The following GLDC variants were observed in gnomAD, a reference collection of about 807,000 sequenced individuals.
The protein encoded by GLDC is glycine decarboxylase.
Under a neutral mutation model 121.3 loss-of-function variants are expected in GLDC, and 104 were observed. The observed-to-expected ratio is 0.86, with a 90% CI of 0.73 to 1.01. The LOEUF (loss-of-function observed/expected upper bound fraction) is 1.01. Ranked by LOEUF, GLDC falls within the 50% of genes least tolerant of loss-of-function variation. The pLI is 0.00. For missense variants in GLDC, 1,429 were observed against 1,306.6 expected, an observed-to-expected ratio of 1.09 and a Z score of -1.44; for synonymous variants, 546 against 480.6, an observed-to-expected ratio of 1.14 and a Z score of -1.78.
intron 11 of GLDC, 190 bp downstream of exon 11, chr9:6,591,953 G>T: frequency 1.6e-6 from 1 of 609,674 alleles, no homozygotes; most frequent in Non-Finnish European, 3.0e-6. Context: ...GCATAATACT[G>T]GCTGGAGCCC....
intron 2 of GLDC, among the ~76,000 whole-genome samples, chr9:6,622,588 G>A (rs929083489): frequency 2.0e-4 from 30 of 152,192 alleles, no homozygotes; most frequent in African/African-American, 4.3e-4. Context: ...ATCTCGGCTC[G>A]CTACAACCTC....
chr9:6,557,034 C>T (rs1817648329), intron 17 of GLDC, among the ~76,000 whole-genome samples: 1 of 152,116 alleles, frequency 6.6e-6, no homozygotes, highest in Admixed American at 6.5e-5. Flanking sequence ...CTTTCCCTTG[C>T]CTTCTGTTGA....
At position 6,533,168 on chromosome 9, in the gene GLDC, G is replaced by C. The variant is rs138786708; in HGVS notation, c.2920-8C>G. The C allele has an allele frequency of 1.9e-6, 3 of 1,613,158 alleles. No homozygotes were observed. The African/African-American group carries it at 4.0e-5, about 22-fold the overall frequency. On this transcript the variant is annotated splice_region_variant and splice_polypyrimidine_tract_variant and intron_variant, in intron 24 of 24. Transcript: ENST00000321612. Reference sequence around the variant, plus strand: ...CTCTGGTTTCACGAAGGGCTGCAAAGGACAAAAGATGGAAATGCTGTGAGA... The same window carrying C: ...CTCTGGTTTCACGAAGGGCTGCAAACGACAAAAGATGGAAATGCTGTGAGA...
intron 22 of GLDC, 47 bp from the exon 23 acceptor site, chr9:6,536,283 T>TA: frequency 1.3e-6 from 2 of 1,524,148 alleles, no homozygotes; most frequent in Non-Finnish European, 1.8e-6. Context: ...GTCAGTGGCC[T>TA]ACCCAGTTTG....
intron 4 of GLDC, among the ~76,000 whole-genome samples, chr9:6,608,055 C>G (rs1007613793): frequency 1.3e-5 from 2 of 151,850 alleles, no homozygotes; most frequent in East Asian, 3.9e-4. Flanking sequence ...CTGGGGAAGT[C>G]AAGGCTGCAG....
intron 10 of GLDC, 38 bp from the exon 11 acceptor site, chr9:6,592,261 A>C (rs760524406): frequency 4.9e-6 from 6 of 1,227,590 alleles, no homozygotes; most frequent in Non-Finnish European, 7.2e-6. Flanking sequence ...CATCAACTCT[A>C]AACTCCACAT....
At position 6,554,780 on chromosome 9, in the gene GLDC, A is replaced by G; in HGVS notation, c.2204T>C (p.Val735Ala). 6.2e-7 allele frequency: 1 copy of G among 1,610,038 alleles called. No homozygotes were observed. Among genetic ancestry groups the G allele is most frequent in the South Asian group, 1.1e-5 (1 of 90,120 alleles). The change falls in exon 19 of 25, where the codon GTG becomes GCG. Residue 735 changes from valine to alanine, a missense_variant and splice_region_variant. Val to Ala is a moderately conservative substitution (Grantham distance 64). Coordinates refer to ENST00000321612, the MANE Select transcript of GLDC (RefSeq NM_000170.3). ...GAAGTCTCCAGGGCGACAGATTCCC[A>G]CCTACCACAAAGGCAAGGGCCAAAA... ...YLDGANMNAQVGICRPGDFGS... is the reference protein window; with the variant it reads ...YLDGANMNAQAGICRPGDFGS...
chr9:6,565,286 G>A, intron 16 of GLDC, 68 bp downstream of exon 16: 4 of 1,095,410 alleles, frequency 3.7e-6, no homozygotes, highest in South Asian at 1.2e-5. Context: ...GTGTCCCACA[G>A]AAGGGACCCT....
chr9:6,627,031 C>T (rs534693620), intron 2 of GLDC, among the ~76,000 whole-genome samples: 1 of 152,256 alleles, frequency 6.6e-6, no homozygotes, highest in Non-Finnish European at 1.5e-5. Context: ...CGTGGTGGCT[C>T]ATGCCTGTAA....
chr9:6,579,718 G>T (rs1818138912), intron 15 of GLDC, among the ~76,000 whole-genome samples: 1 of 152,106 alleles, frequency 6.6e-6, no homozygotes, highest in African/African-American at 2.4e-5. Context: ...AATACTGAAT[G>T]TCAGCCAGCT....
chr9:6,560,906 G>A (rs1817742798), intron 16 of GLDC, among the ~76,000 whole-genome samples: 1 of 152,206 alleles, frequency 6.6e-6, no homozygotes, highest in Admixed American at 6.5e-5. Flanking sequence ...ATATTCTTAA[G>A]TGTCCTCATC....
At chr9:6,580,601 C>A (rs777736737) in intron 15 of GLDC, among the ~76,000 whole-genome samples, 21 of 152,130 alleles carry the variant, frequency 1.4e-4, no homozygotes, top group Non-Finnish European at 2.9e-4. Context: ...TAAAACTTGC[C>A]CCAGATCCCA....
At chr9:6,593,286 T>A (rs866052940) in intron 9 of GLDC, among the ~76,000 whole-genome samples, 20 of 150,684 alleles carry the variant, frequency 1.3e-4, no homozygotes, top group African/African-American at 4.6e-4. Flanking sequence ...TATATATATA[T>A]AAAATTATAC....
At chr9:6,631,446 T>C (rs539779172) in intron 2 of GLDC, among the ~76,000 whole-genome samples, 1 of 152,312 alleles carries the variant, frequency 6.6e-6, no homozygotes, top group South Asian at 2.1e-4. Flanking sequence ...GGATGATATG[T>C]CTTGTTATTT....
Position 6,540,140 on chromosome 9 carries a change from A to G in GLDC, c.2576T>C (p.Val859Ala). The change falls in exon 22 of 25, where the codon GTG becomes GCG. Residue 859 changes from valine (V) to alanine (A), a missense_variant. Physicochemically the swap from Val to Ala is moderately conservative, Grantham distance 64. Coordinates refer to ENST00000321612, the MANE Select transcript of GLDC (RefSeq NM_000170.3). ...CGTGTCCAAAATAAATTCATGACCC[A>G]CATAACCTGTTCAGGAAAGTTGTTT... ...RILFRGARGY[V>A]GHEFILDTRP... The G allele has an allele frequency of 6.2e-7, 1 of 1,606,614 alleles. No homozygotes were observed.
intron 2 of GLDC, among the ~76,000 whole-genome samples, chr9:6,643,843 G>A (rs778419547): frequency 3.3e-5 from 5 of 151,652 alleles, no homozygotes; most frequent in Admixed American, 6.6e-5. Flanking sequence ...ACACCAGCCT[G>A]GCCAACATGA....
At chr9:6,639,521 G>C (rs1039185555) in intron 2 of GLDC, 16 of 801,104 alleles carry the variant, frequency 2.0e-5, no homozygotes, top group Non-Finnish European at 3.1e-5. Flanking sequence ...GCAACACCCT[G>C]ATTCGGCCTG....
At chr9:6,543,606 C>A (rs1221046023) in intron 21 of GLDC, among the ~76,000 whole-genome samples, 1 of 152,166 alleles carries the variant, frequency 6.6e-6, no homozygotes, top group African/African-American at 2.4e-5. Flanking sequence ...CTATTGCGTT[C>A]AAATAGAAAC....
At position 6,644,833 on chromosome 9, in the gene GLDC, G is replaced by T. The variant is rs902247901; in HGVS notation, c.256-141C>A. 12 of 700,146 alleles carry T rather than the reference G, an allele frequency of 1.7e-5. No homozygotes were observed. In the African/African-American group the frequency reaches 2.1e-4, roughly 12 times the overall value. 43.4% of individuals were successfully genotyped at this position (700,146 alleles called of 1,614,324 possible). ...TTTTAAAAGAAAAGGAAAACTCTGA[G>T]CAAGCCAGAATGATTTGGAGGAAAG... is the stretch of plus-strand genomic sequence containing the variant. On this transcript the variant is annotated intron_variant, in intron 1 of 24. Transcript: ENST00000321612.
Sources: allele counts gnomAD v4.1 joint callset (sites outside exome capture counted in the v4.1 genomes callset), GRCh38; gene constraint gnomAD v4.1.1; transcripts MANE v1.5; gene names NCBI Gene and HGNC (gene_info 2026-07-23, HGNC 2026-07-21).